REV3L: variants seen among roughly 807,000 people sequenced by gnomAD.
The protein encoded by REV3L is REV3 like, DNA directed polymerase zeta catalytic subunit.
Under a neutral mutation model 299.4 loss-of-function variants are expected in REV3L, and 69 were observed. The observed-to-expected ratio is 0.23, with a 90% CI of 0.19 to 0.28. The LOEUF (loss-of-function observed/expected upper bound fraction) is 0.28. Among genes scored for constraint, REV3L ranks in the 10% least tolerant of loss-of-function variants. The pLI is 1.00. For missense variants in REV3L, 3,128 were observed against 3,693.8 expected, an observed-to-expected ratio of 0.85 and a Z score of 3.97; for synonymous variants, 1,238 against 1,271.4, an observed-to-expected ratio of 0.97 and a Z score of 0.56.
rs761356954 is a variant in REV3L, at chr6:111,376,764, TGAG to T, written c.1598-10_1598-8del. The T allele has an allele frequency of 1.6e-5, 25 of 1,542,336 alleles. No homozygotes were observed. In the East Asian group the frequency reaches 5.0e-4, roughly 31 times the overall value. On this transcript the variant is annotated splice_polypyrimidine_tract_variant and splice_region_variant and intron_variant, in intron 12 of 31. Coordinates refer to ENST00000368802, the MANE Select transcript of REV3L (RefSeq NM_001372078.1). ...TCATTGTTCAATGGATTGTCTGAAATGAGGAGGGAAAAACAGTTTATTTCATTT... is the reference window on the plus strand; with the variant it reads ...TCATTGTTCAATGGATTGTCTGAAATGAGGGAAAAACAGTTTATTTCATTT...
intron 1 of REV3L, among the ~76,000 whole-genome samples, chr6:111,479,317 T>G (rs975919378): frequency 2.0e-5 from 3 of 152,204 alleles, no homozygotes; most frequent in African/African-American, 7.2e-5. Flanking sequence ...AATTTGATTA[T>G]GTCAAAATAA....
intron 20 of REV3L, chr6:111,349,012 A>G (rs1421839312): frequency 2.6e-6 from 1 of 382,036 alleles, no homozygotes; most frequent in African/African-American, 2.1e-5. Context: ...ACACAAGAAA[A>G]AAAAAAAAAC....
intron 31 of REV3L, among the ~76,000 whole-genome samples, chr6:111,303,161 C>CTTTTTTTTTT (rs1192743753): frequency 1.3e-4 from 7 of 55,522 alleles, no homozygotes; most frequent in East Asian, 5.3e-4. Context: ...GCTTTCTTTT[C>CTTTTTTTTTT]TTTCTTTTTT....
chr6:111,406,557 T>C (rs1179041138), intron 3 of REV3L, among the ~76,000 whole-genome samples: 1 of 152,132 alleles, frequency 6.6e-6, no homozygotes, highest in Non-Finnish European at 1.5e-5. Context: ...AATGTACTGA[T>C]TCAGGAGACA....
chr6:111,367,187 T>G lies in REV3L; in HGVS notation c.6601A>C (p.Ser2201Arg), dbSNP rs762067290. The change falls in exon 14 of 32, where the codon AGT becomes CGT. Residue 2201 changes from serine to arginine, a missense_variant. Ser to Arg is a moderately radical substitution (Grantham distance 110). Transcript: ENST00000368802. The stretch of plus-strand genomic sequence containing the variant: ...AGTTTTCTCTGTATGATTGGTGTAC[T>G]ATGAAAGCAAAGTGATTCACATTTC... ...TGKCESLCFHSTPIIQRKLLE... is the reference protein window; with the variant it reads ...TGKCESLCFHRTPIIQRKLLE... 6.2e-7 allele frequency: 1 copy of G among 1,613,910 alleles called. No homozygotes were observed. Among genetic ancestry groups the G allele is most frequent in the South Asian group, 1.1e-5 (1 of 90,998 alleles).
chr6:111,352,070 G>T (rs1033823799), intron 18 of REV3L, among the ~76,000 whole-genome samples: 1 of 151,536 alleles, frequency 6.6e-6, no homozygotes, highest in East Asian at 1.9e-4. Flanking sequence ...GCAGTGGCAT[G>T]ATGTTAGCTC....
At chr6:111,470,533 G>A (rs977350028) in intron 1 of REV3L, among the ~76,000 whole-genome samples, 1 of 151,980 alleles carries the variant, frequency 6.6e-6, no homozygotes, top group Admixed American at 6.5e-5. Flanking sequence ...CTTAATAAAC[G>A]GTTTACCACC....
At position 111,346,091 on chromosome 6, in the gene REV3L, C is replaced by A. The variant is rs141503566; in HGVS notation, c.7420-2048G>T. Among the ~76,000 whole-genome samples the A allele has an allele frequency of 1.2e-3, 190 of 152,294 alleles. 1 individual carries two copies. Among genetic ancestry groups the A allele is most frequent in the African/African-American group, 4.5e-3 (185 of 41,560 alleles). ...CAGATTCTCACTGCCATATCTCTACCTACCAACATCCATACCCATATATTC... is the reference window on the plus strand; with the variant it reads ...CAGATTCTCACTGCCATATCTCTACATACCAACATCCATACCCATATATTC... On this transcript the variant is annotated intron_variant, in intron 20 of 31. Coordinates refer to ENST00000368802, the MANE Select transcript of REV3L (RefSeq NM_001372078.1).
chr6:111,349,087 C>G, intron 20 of REV3L, 131 bp downstream of exon 20: 1 of 543,234 alleles, frequency 1.8e-6, no homozygotes, highest in Non-Finnish European at 3.2e-6. Flanking sequence ...TATTTTAACT[C>G]TACTTAAGTA....
rs557277216 is a variant in REV3L, at chr6:111,318,192, A to C, written c.8352-2811T>G. Among the ~76,000 whole-genome samples, 9 of 151,464 alleles carry C rather than the reference A, an allele frequency of 5.9e-5. No individual in the cohort carries two copies. In the East Asian group the frequency reaches 1.6e-3, roughly 26 times the overall value. The stretch of plus-strand genomic sequence containing the variant: ...AAGCTCCAACTCCTGAGTTCACGCC[A>C]TTCTCCTGCCTCAGCCTCCTGAGTA... On this transcript the variant is annotated intron_variant, in intron 26 of 31. Coordinates refer to ENST00000368802, the MANE Select transcript of REV3L (RefSeq NM_001372078.1).
intron 1 of REV3L, chr6:111,431,643 C>G: frequency 1.2e-6 from 1 of 819,036 alleles, no homozygotes; most frequent in Non-Finnish European, 2.1e-6. Context: ...CAGGTGATAT[C>G]ATAAGCACAT....
chr6:111,438,023 T>TA (rs1307654228), intron 1 of REV3L, among the ~76,000 whole-genome samples: 9 of 150,518 alleles, frequency 6.0e-5, no homozygotes, highest in Non-Finnish European at 1.3e-4. Flanking sequence ...AATTTTTTTT[T>TA]TTTTATTTTT....
intron 3 of REV3L, among the ~76,000 whole-genome samples, chr6:111,406,436 G>T (rs750944060): frequency 2.6e-4 from 39 of 152,178 alleles, no homozygotes; most frequent in Non-Finnish European, 4.9e-4. Context: ...GAGGTGAATA[G>T]CAGAAAAGTG....
chr6:111,343,168 AC>A (rs1354848372), intron 21 of REV3L, among the ~76,000 whole-genome samples: 2 of 152,228 alleles, frequency 1.3e-5, no homozygotes, highest in African/African-American at 4.8e-5. Flanking sequence ...CAAACTGGAA[AC>A]AACCCAAATG....
At chr6:111,396,386 G>T (rs536880911) in intron 4 of REV3L, among the ~76,000 whole-genome samples, 25 of 150,968 alleles carry the variant, frequency 1.7e-4, no homozygotes, top group Admixed American at 7.9e-4. Context: ...TGTTGGATTC[G>T]ATTTGTTAGT....
chr6:111,413,900 G>A (rs1784505344), intron 2 of REV3L, among the ~76,000 whole-genome samples: 1 of 151,892 alleles, frequency 6.6e-6, no homozygotes, highest in African/African-American at 2.4e-5. Context: ...ATATATATAG[G>A]AAAGTTATTA....
At chr6:111,405,710 A>G (rs1339470480) in intron 3 of REV3L, 80 bp from the exon 4 acceptor site, 8 of 921,978 alleles carry the variant, frequency 8.7e-6, no homozygotes, top group Non-Finnish European at 1.3e-5. Flanking sequence ...AGAAATATAC[A>G]GAACAAAGCA....
In REV3L at chr6:111,355,990, T is replaced by C. The variant is rs17511118; in HGVS notation, c.7184+1024A>G. On this transcript the variant is annotated intron_variant, in intron 18 of 31. Transcript: ENST00000368802. ...TGATGCTCTGTCATTTAATTTTGTT[T>C]TGTAGAAAACACATGTTTTGGTTTT... 8.5e-5 allele frequency among the ~76,000 whole-genome samples: 13 copies of C among 152,286 alleles called. 1 individual carries two copies. The East Asian group carries it at 2.5e-3, about 29-fold the overall frequency.
chr6:111,467,765 T>C, intron 1 of REV3L, among the ~76,000 whole-genome samples: 1 of 152,200 alleles, frequency 6.6e-6, no homozygotes, highest in East Asian at 1.9e-4. Context: ...TATAAGTGAT[T>C]TGAGCATCTG....
Sources: gnomAD v4.1 joint callset for allele counts (sites outside exome capture counted in the v4.1 genomes callset) on GRCh38, gnomAD v4.1.1 for gene constraint, MANE v1.5 for transcripts, NCBI Gene and HGNC (gene_info 2026-07-23, HGNC 2026-07-21) for gene names.